The following SPTBN1 variants were observed in gnomAD, a reference collection of about 807,000 sequenced individuals.
SPTBN1 encodes the protein spectrin beta, non-erythrocytic 1, also known as spectrin beta chain, non-erythrocytic 1.
SPTBN1 carries 32 observed loss-of-function variants against 266.4 expected under a neutral mutation model. The observed-to-expected ratio is 0.12, with a 90% CI of 0.09 to 0.16. The LOEUF (loss-of-function observed/expected upper bound fraction) is 0.16, where lower values mean the gene tolerates loss of function less well. SPTBN1 is among the 10% of genes least tolerant of loss of function. The pLI is 1.00. For synonymous variants in SPTBN1, 1,336 were observed against 1,162.2 expected (o/e 1.15, Z -3.04); for missense variants, 2,296 against 3,067.1 (o/e 0.75, Z 5.94).
chr2:54,506,367 CT>C (rs1474644980), intron 1 of SPTBN1, among the ~76,000 whole-genome samples: 2 of 151,698 alleles, frequency 1.3e-5, no homozygotes, highest in Non-Finnish European at 2.9e-5. Context: ...GCTTTTGAAG[CT>C]TTTTGGTCAG....
intron 1 of SPTBN1, among the ~76,000 whole-genome samples, chr2:54,509,885 C>T (rs1010197357): frequency 5.9e-5 from 9 of 151,928 alleles, no homozygotes; most frequent in Non-Finnish European, 1.2e-4. Flanking sequence ...TGTGTCCTCA[C>T]CTGGCCTTTT....
intron 2 of SPTBN1, among the ~76,000 whole-genome samples, chr2:54,551,443 C>G (rs1672559175): frequency 6.6e-6 from 1 of 152,234 alleles, no homozygotes; most frequent in Non-Finnish European, 1.5e-5. Context: ...TTTGTCTGTG[C>G]AGGGAAGCTT....
Position 54,490,359 on chromosome 2 carries a change from A to G in SPTBN1, c.-48+33841A>G, listed in dbSNP as rs189404339. On this transcript the variant is annotated intron_variant, in intron 1 of 35. Transcript: ENST00000356805. ...AGTGCTAGGAGTACAGGCAAGAGCCACAGTGCCTGGCCTGTTTATGAAGAT... is the reference window on the plus strand; with the variant it reads ...AGTGCTAGGAGTACAGGCAAGAGCCGCAGTGCCTGGCCTGTTTATGAAGAT... Among the ~76,000 whole-genome samples, 241 of 152,340 alleles carry G rather than the reference A, an allele frequency of 1.6e-3. 1 individual carries two copies. Among genetic ancestry groups the G allele is most frequent in the Non-Finnish European group, 2.9e-3 (197 of 68,036 alleles).
At chr2:54,568,534 A>G (rs1294101570) in intron 2 of SPTBN1, among the ~76,000 whole-genome samples, 1 of 152,172 alleles carries the variant, frequency 6.6e-6, no homozygotes, top group Non-Finnish European at 1.5e-5. Flanking sequence ...AGTTAATTAA[A>G]GGAAGTTTAG....
chr2:54,460,337 T>C (rs1693295246), intron 1 of SPTBN1, among the ~76,000 whole-genome samples: 1 of 152,246 alleles, frequency 6.6e-6, no homozygotes, highest in Non-Finnish European at 1.5e-5. Flanking sequence ...GCTCTCACTG[T>C]AAATTATTTG....
chr2:54,585,414 T>G (rs377335553), intron 2 of SPTBN1, among the ~76,000 whole-genome samples: 2 of 132,162 alleles, frequency 1.5e-5, no homozygotes, highest in African/African-American at 7.5e-5. Flanking sequence ...TTTCCTCCAG[T>G]TTTTCTGTCC....
At chr2:54,666,605 C>A (rs576999220) in intron 34 of SPTBN1, among the ~76,000 whole-genome samples, 1 of 152,230 alleles carries the variant, frequency 6.6e-6, no homozygotes, top group African/African-American at 2.4e-5. Context: ...TCAGAACCAT[C>A]TAGTTCCAAA....
rs56043354 is a variant in SPTBN1, at chr2:54,471,800, A to ATTTTTTTTTTTTTTTT, written c.-48+15286_-48+15301dup. Among the ~76,000 whole-genome samples the ATTTTTTTTTTTTTTTT allele has an allele frequency of 2.0e-4, 21 of 102,710 alleles. 2 individuals are homozygous for ATTTTTTTTTTTTTTTT. The highest frequency in any genetic ancestry group is 6.5e-4 in the South Asian group (2 of 3,062). 67.4% of individuals were successfully genotyped at this position (102,710 alleles called of 152,430 possible). ...AGAGGTGCTTTCCTCTTTTTTATCG[A>ATTTTTTTTTTTTTTTT]TTTTTTTTTTTTTTTTTTTGCTGTT... On this transcript the variant is annotated intron_variant, in intron 1 of 35. Transcript: ENST00000356805.
chr2:54,593,634 C>G (rs1675833058), intron 2 of SPTBN1, among the ~76,000 whole-genome samples: 1 of 151,800 alleles, frequency 6.6e-6, no homozygotes, highest in African/African-American at 2.4e-5. Context: ...GTGAGGAGAC[C>G]TATTCTGCAT....
intron 2 of SPTBN1, among the ~76,000 whole-genome samples, chr2:54,595,256 G>C (rs569049342): frequency 6.6e-6 from 1 of 152,184 alleles, no homozygotes; most frequent in Non-Finnish European, 1.5e-5. Context: ...GTTTGGTGCT[G>C]GGCAGTCTTT....
intron 3 of SPTBN1, among the ~76,000 whole-genome samples, chr2:54,609,722 T>C (rs1449344218): frequency 1.3e-5 from 2 of 152,134 alleles, no homozygotes; most frequent in East Asian, 1.9e-4. Context: ...CATTATCCAA[T>C]ACCAAAAGAA....
intron 1 of SPTBN1, among the ~76,000 whole-genome samples, chr2:54,492,498 T>C (rs1668746017): frequency 6.6e-6 from 1 of 152,204 alleles, no homozygotes; most frequent in Non-Finnish European, 1.5e-5. Context: ...TCAAAGGCTG[T>C]GTCATTCCTG....
intron 2 of SPTBN1, among the ~76,000 whole-genome samples, chr2:54,557,307 T>G (rs1169940199): frequency 3.3e-5 from 5 of 152,014 alleles, no homozygotes; most frequent in African/African-American, 4.8e-5. Context: ...TGAAATTACC[T>G]TCTTCAGTGA....
At position 54,668,455 on chromosome 2, in the gene SPTBN1, G is replaced by A; in HGVS notation, c.6981G>A (p.Gln2327=). 1.2e-6 allele frequency: 2 copies of A among 1,614,208 alleles called. No individual in the cohort carries two copies. The highest frequency in any genetic ancestry group is 1.1e-5 in the South Asian group (1 of 91,090). The change falls in exon 36 of 36, where the codon CAG becomes CAA. Residue 2327 remains glutamine (Q), a synonymous_variant. Transcript: ENST00000356805. ...TQSTPASSRA[Q]TLPTSVVTIT... is the part of the protein sequence containing the mutation. ...GCACGCCAGCATCCAGCCGCGCGCAGACCCTCCCCACCAGCGTCGTCACCA... is the reference window on the plus strand; with the variant it reads ...GCACGCCAGCATCCAGCCGCGCGCAAACCCTCCCCACCAGCGTCGTCACCA...
At chr2:54,596,170 A>G (rs1286889077) in intron 2 of SPTBN1, among the ~76,000 whole-genome samples, 1 of 152,094 alleles carries the variant, frequency 6.6e-6, no homozygotes, top group African/African-American at 2.4e-5. Context: ...ATTGCCTTTC[A>G]TCGTCAGTGC....
intron 1 of SPTBN1, among the ~76,000 whole-genome samples, chr2:54,473,463 C>T (rs1165189120): frequency 6.6e-6 from 1 of 151,002 alleles, no homozygotes; most frequent in African/African-American, 2.4e-5. Context: ...TATCAAAATT[C>T]TGTTTTTGCT....
At chr2:54,620,114 T>C (rs1677898030) in intron 7 of SPTBN1, among the ~76,000 whole-genome samples, 1 of 152,248 alleles carries the variant, frequency 6.6e-6, no homozygotes, top group South Asian at 2.1e-4. Context: ...TACCTATTTA[T>C]TGACCACCTG....
chr2:54,502,807 A>G (rs1669341700), intron 1 of SPTBN1, among the ~76,000 whole-genome samples: 1 of 152,106 alleles, frequency 6.6e-6, no homozygotes, highest in Non-Finnish European at 1.5e-5. Flanking sequence ...TTCTAGATGG[A>G]GGTTCCTGGA....
chr2:54,497,159 C>T (rs886926803), intron 1 of SPTBN1, among the ~76,000 whole-genome samples: 3 of 152,124 alleles, frequency 2.0e-5, no homozygotes, highest in South Asian at 2.1e-4. Context: ...TCTTTTTTAC[C>T]GTAAGACCAG....
Sources: allele counts gnomAD v4.1 joint callset (sites outside exome capture counted in the v4.1 genomes callset), GRCh38; gene constraint gnomAD v4.1.1; transcripts MANE v1.5; gene names NCBI Gene and HGNC (gene_info 2026-07-23, HGNC 2026-07-21).